The following OPN3 variants were observed in gnomAD, a reference collection of about 807,000 sequenced individuals.
OPN3 encodes opsin-3.
Under a neutral mutation model 33.8 loss-of-function variants are expected in OPN3, and 29 were observed. The ratio of observed to expected loss-of-function variants is 0.86; its 90% CI spans 0.64 to 1.17. The LOEUF is 1.17. Ranked by LOEUF, OPN3 falls within the 50% of genes most tolerant of loss-of-function variation. The pLI, the probability that OPN3 is intolerant of heterozygous loss-of-function variation, is 0.00. For synonymous variants in OPN3, 216 were observed against 216.1 expected (o/e 1.00, Z 0.00); for missense variants, 437 against 514.1 (o/e 0.85, Z 1.45).
chr1:241,624,090 G>A (rs1664340356), intron 1 of OPN3, among the ~76,000 whole-genome samples: 2 of 147,480 alleles, frequency 1.4e-5, no homozygotes, highest in South Asian at 2.2e-4. Context: ...AGGCACTGTG[G>A]ACCCTCTTCC....
chr1:241,594,380 A>T lies in OPN3; in HGVS notation c.*48T>A. On this transcript the variant is annotated 3_prime_UTR_variant, in exon 4 of 4. Coordinates refer to ENST00000366554, the MANE Select transcript of OPN3 (RefSeq NM_014322.3). ...GACACTTCTTATGATGAAAGTCCAA[A>T]AGTGGCATCCAATTTAAGGCCCCAT... 1 of 1,579,880 alleles carries T rather than the reference A, an allele frequency of 6.3e-7. No homozygotes were observed. Among genetic ancestry groups the T allele is most frequent in the South Asian group, 1.2e-5 (1 of 85,056 alleles).
chr1:241,621,663 A>T (rs896707121), intron 1 of OPN3, among the ~76,000 whole-genome samples: 8 of 152,146 alleles, frequency 5.3e-5, no homozygotes, highest in African/African-American at 1.9e-4. Flanking sequence ...GGGTTAAGTT[A>T]AAGGAAGGAG....
chr1:241,623,934 A>G (rs1558443461), intron 1 of OPN3, among the ~76,000 whole-genome samples: 1 of 152,242 alleles, frequency 6.6e-6, no homozygotes, highest in Non-Finnish European at 1.5e-5. Context: ...CCCAAATCTT[A>G]GCAAGCTATT....
rs1663430221 is a variant in OPN3, at chr1:241,594,359, C to T, written c.*69G>A. 6.6e-7 allele frequency: 1 copy of T among 1,524,242 alleles called. No individual in the cohort carries two copies. The highest frequency in any genetic ancestry group is 8.9e-7 in the Non-Finnish European group (1 of 1,119,476). The allele number at this position is 1,524,242 out of a possible 1,614,324, so 94.4% of individuals were successfully genotyped here. A position where few individuals can be genotyped will look rare whatever the true frequency, so the allele number is the denominator to read the frequency against. On this transcript the variant is annotated 3_prime_UTR_variant, in exon 4 of 4. Transcript: ENST00000366554. ...TTACATAGAACGGGTATTCCAGACACTTCTTATGATGAAAGTCCAAAAGTG... is the reference window on the plus strand; with the variant it reads ...TTACATAGAACGGGTATTCCAGACATTTCTTATGATGAAAGTCCAAAAGTG...
chr1:241,596,312 A>C (rs1188140281), intron 3 of OPN3, among the ~76,000 whole-genome samples: 3 of 152,204 alleles, frequency 2.0e-5, no homozygotes, highest in Non-Finnish European at 4.4e-5. Context: ...TGCATACTAA[A>C]AAATTGTTAT....
chr1:241,613,779 A>T (rs905788907), intron 1 of OPN3, among the ~76,000 whole-genome samples: 3 of 152,142 alleles, frequency 2.0e-5, no homozygotes, highest in Non-Finnish European at 2.9e-5. Flanking sequence ...TTAAATTTTC[A>T]TGTTCAGTAG....
At chr1:241,594,719 A>G (rs1663446188) in intron 3 of OPN3, 28 bp from the exon 4 acceptor site, 1 of 1,601,366 alleles carries the variant, frequency 6.2e-7, no homozygotes, top group African/African-American at 1.3e-5. Flanking sequence ...AAAGTGGAAT[A>G]TTAAGTAAAA....
rs1250980416 is a variant in OPN3 at position 241,604,259 on chromosome 1, C to T, written c.693+1G>A. On this transcript the variant is annotated splice_donor_variant, in intron 2 of 3. Coordinates refer to ENST00000366554, the MANE Select transcript of OPN3 (RefSeq NM_014322.3). LOFTEE classifies it high-confidence loss of function. ...GGGGGCATCTGTAGTCTTCAACTCA[C>T]CATTCGAATGGAATATAGAATATGG... 1 of 1,612,722 alleles carries T rather than the reference C, an allele frequency of 6.2e-7. No homozygotes were observed. Among genetic ancestry groups the T allele is most frequent in the Admixed American group, 1.7e-5 (1 of 59,972 alleles).
chr1:241,597,725 T>G, intron 3 of OPN3, 21 bp downstream of exon 3: 1 of 1,605,386 alleles, frequency 6.2e-7, no homozygotes, highest in Non-Finnish European at 8.5e-7. Flanking sequence ...GTGAAAACAA[T>G]CAGTTAATTG....
At chr1:241,615,911 G>A (rs575888747) in intron 1 of OPN3, 186 of 456,684 alleles carry the variant, frequency 4.1e-4, no homozygotes, top group Non-Finnish European at 5.5e-4. Flanking sequence ...CTTCCCTAGT[G>A]GCTGCCTGAA....
At chr1:241,628,167 G>T (rs1398203641) in intron 1 of OPN3, among the ~76,000 whole-genome samples, 13 of 152,200 alleles carry the variant, frequency 8.5e-5, no homozygotes, top group Admixed American at 8.5e-4. Flanking sequence ...ACAAGGCAGA[G>T]ACTTCTGTTT....
chr1:241,631,459 T>C (rs1311818986), intron 1 of OPN3: 1 of 152,110 alleles, frequency 6.6e-6, no homozygotes, highest in East Asian at 1.9e-4. Context: ...ATTTCAGTTG[T>C]TCTGTTAGAT....
chr1:241,594,843 C>G (rs1401797798), intron 3 of OPN3, 152 bp from the exon 4 acceptor site: 1 of 740,140 alleles, frequency 1.4e-6, no homozygotes, highest in Non-Finnish European at 2.2e-6. Context: ...TCAGATCTAC[C>G]TAAATCACCC....
At chr1:241,634,212 T>C in intron 1 of OPN3, 1 of 1,614,020 alleles carries the variant, frequency 6.2e-7, no homozygotes, top group East Asian at 2.2e-5. Flanking sequence ...AAGTCTTCTC[T>C]TGCTGTTTTA....
intron 1 of OPN3, among the ~76,000 whole-genome samples, chr1:241,622,264 T>C (rs992631146): frequency 1.3e-5 from 2 of 152,212 alleles, no homozygotes; most frequent in African/African-American, 4.8e-5. Flanking sequence ...ACACACTAAG[T>C]GTTAGCTATG....
chr1:241,598,508 T>C (rs1317711734), intron 2 of OPN3, among the ~76,000 whole-genome samples: 1 of 152,194 alleles, frequency 6.6e-6, no homozygotes, highest in African/African-American at 2.4e-5. Context: ...GAAAACCAGC[T>C]TTTCAATTCA....
At chr1:241,595,730 T>C (rs1384936534) in intron 3 of OPN3, 1 of 152,204 alleles carries the variant, frequency 6.6e-6, no homozygotes, top group East Asian at 1.9e-4. Flanking sequence ...TCCAATCTTA[T>C]GCAAGTTAGC....
intron 1 of OPN3, chr1:241,635,766 T>A (rs1163257341): frequency 1.1e-5 from 17 of 1,606,076 alleles, no homozygotes; most frequent in Non-Finnish European, 1.4e-5. Context: ...TTGTCCGCCA[T>A]TTTAGGAAGT....
intron 3 of OPN3, chr1:241,595,380 C>G (rs904952639): frequency 2.6e-5 from 4 of 152,218 alleles, no homozygotes; most frequent in African/African-American, 9.7e-5. Flanking sequence ...ACCTAGATTC[C>G]TAAATGACTG....
Sources: allele counts gnomAD v4.1 joint callset (sites outside exome capture counted in the v4.1 genomes callset), GRCh38; gene constraint gnomAD v4.1.1; transcripts MANE v1.5; gene names NCBI Gene and HGNC (gene_info 2026-07-23, HGNC 2026-07-21).